Variants in MLIP observed in about 807,000 individuals in gnomAD.
MLIP encodes muscular LMNA interacting protein, also known as muscular LMNA-interacting protein.
A neutral mutation model predicts 84.8 loss-of-function variants in MLIP; 79 were observed. That is an observed-to-expected ratio of 0.93 (90% CI 0.78 to 1.12). The LOEUF (loss-of-function observed/expected upper bound fraction) is 1.12, where lower values mean the gene tolerates loss of function less well. Ranked by LOEUF, MLIP falls within the 50% of genes most tolerant of loss-of-function variation. The pLI, the probability that MLIP is intolerant of heterozygous loss-of-function variation, is 0.00. For synonymous variants in MLIP, 504 were observed against 463.0 expected, an observed-to-expected ratio of 1.09 and a Z score of -1.14; for missense variants, 1,257 against 1,160.6, an observed-to-expected ratio of 1.08 and a Z score of -1.21.
intron 10 of MLIP, among the ~76,000 whole-genome samples, chr6:54,198,001 A>T (rs1778417001): frequency 6.6e-6 from 1 of 152,104 alleles, no homozygotes; most frequent in South Asian, 2.1e-4. Context: ...AATAAAGCAT[A>T]GTCTGTTTTA....
At chr6:54,215,437 T>C in intron 11 of MLIP, 2 of 1,191,180 alleles carry the variant, frequency 1.7e-6, no homozygotes. Context: ...AAAAGTATAA[T>C]TTCTTTAAAT....
At position 54,187,413 on chromosome 6, in the gene MLIP, A is replaced by C. The variant is rs1415323583; in HGVS notation, c.2545-2457A>C. Among the ~76,000 whole-genome samples the C allele has an allele frequency of 3.3e-5, 5 of 152,262 alleles. 1 individual carries two copies. Among genetic ancestry groups the C allele is most frequent in the Admixed American group, 2.6e-4 (4 of 15,288 alleles). On this transcript the variant is annotated intron_variant, in intron 9 of 13. Transcript: ENST00000502396. The stretch of plus-strand genomic sequence containing the variant: ...ACATGGTATTTAACGAGGGGGGACT[A>C]TAACAAATCTGGAAAAATACCATAT...
chr6:54,034,222 A>AT (rs1388386565), intron 1 of MLIP, among the ~76,000 whole-genome samples: 5 of 152,206 alleles, frequency 3.3e-5, no homozygotes, highest in Non-Finnish European at 5.9e-5. Context: ...ATTCTTTCAG[A>AT]TTTCTATGTT....
Position 54,259,149 on chromosome 6 carries a change from T to C in MLIP, c.2976+1788T>C, listed in dbSNP as rs548908377. Among the ~76,000 whole-genome samples the C allele has an allele frequency of 2.0e-5, 3 of 152,012 alleles. No homozygotes were observed. The South Asian group carries it at 6.2e-4, about 31-fold the overall frequency. The stretch of plus-strand genomic sequence containing the variant: ...TTTTGTTTTTGCATTATCTTATGCA[T>C]TTATTGGTATGGTAATATATTTTTG... On this transcript the variant is annotated intron_variant, in intron 13 of 13. Coordinates refer to ENST00000502396, the MANE Select transcript of MLIP (RefSeq NM_001281747.2).
At chr6:54,164,712 A>G (rs1337753907) in intron 8 of MLIP, among the ~76,000 whole-genome samples, 2 of 151,940 alleles carry the variant, frequency 1.3e-5, no homozygotes, top group Non-Finnish European at 2.9e-5. Context: ...AAATGTAATT[A>G]TATAGTCTGT....
In MLIP at chr6:54,221,829, C is replaced by G. The variant is rs1037417330; in HGVS notation, c.2719-8885C>G. On this transcript the variant is annotated intron_variant, in intron 11 of 13. Transcript: ENST00000502396. ...TACTCTTTTTAATATCTGTGGAACT[C>G]TCATAAAAACTGACTATACATTAAG... Among the ~76,000 whole-genome samples, 19 of 152,012 alleles carry G rather than the reference C, an allele frequency of 1.2e-4. No homozygotes were observed. In the East Asian group the frequency reaches 3.5e-3, roughly 28 times the overall value.
At chr6:54,133,095 T>TA (rs1047879276) in intron 3 of MLIP, among the ~76,000 whole-genome samples, 1 of 151,940 alleles carries the variant, frequency 6.6e-6, no homozygotes, top group African/African-American at 2.4e-5. Flanking sequence ...TACTGAAACT[T>TA]AAAAAATAGG....
rs1485042402 is a variant in MLIP, at chr6:54,065,421, A to T, written c.63+46330A>T. Among the ~76,000 whole-genome samples the T allele has an allele frequency of 3.0e-5, 3 of 100,958 alleles. 1 individual carries two copies. Among genetic ancestry groups the T allele is most frequent in the Admixed American group, 2.8e-4 (3 of 10,862 alleles). 66.2% of individuals were successfully genotyped at this position (100,958 alleles called of 152,430 possible). A position where few individuals can be genotyped will look rare whatever the true frequency, so the allele number is the denominator to read the frequency against. ...TAGAGGCATATTCAAAGATATTACTAAATGTATAAAGGGATTTGCACCAAG... is the reference window on the plus strand; with the variant it reads ...TAGAGGCATATTCAAAGATATTACTTAATGTATAAAGGGATTTGCACCAAG... On this transcript the variant is annotated intron_variant, in intron 1 of 12. Transcript: ENST00000274897.
At chr6:54,243,727 G>A (rs1781892393) in intron 12 of MLIP, among the ~76,000 whole-genome samples, 1 of 151,998 alleles carries the variant, frequency 6.6e-6, no homozygotes, top group South Asian at 2.1e-4. Flanking sequence ...CAATAAAGTG[G>A]CATTACCACT....
Position 54,032,993 on chromosome 6 carries a change from T to C in MLIP, c.63+13902T>C, listed in dbSNP as rs536425425. On this transcript the variant is annotated intron_variant, in intron 1 of 12. Coordinates refer to the MLIP transcript ENST00000274897. ...CTTACCATTAATAATAGGACAACTATTGATGTTTTGATCCAGTAGTCTAAA... is the reference window on the plus strand; with the variant it reads ...CTTACCATTAATAATAGGACAACTACTGATGTTTTGATCCAGTAGTCTAAA... 3.9e-5 allele frequency among the ~76,000 whole-genome samples: 6 copies of C among 152,352 alleles called. No individual in the cohort carries two copies. In the East Asian group the frequency reaches 1.2e-3, roughly 29 times the overall value.
rs144947192 is a variant in MLIP, at chr6:54,179,695, C to G, written c.2544+10123C>G. 8.3e-3 allele frequency among the ~76,000 whole-genome samples: 1,263 copies of G among 152,010 alleles called. 19 individuals carry two copies. The highest frequency in any genetic ancestry group is 0.028 in the African/African-American group (1,178 of 41,498). ...ATGCAAAACGAAAACTAATAAAAACCCTACACTTTAACTTCATGTCCCTGC... is the reference window on the plus strand; with the variant it reads ...ATGCAAAACGAAAACTAATAAAAACGCTACACTTTAACTTCATGTCCCTGC... On this transcript the variant is annotated intron_variant, in intron 9 of 13. Transcript: ENST00000502396.
chr6:54,019,117 A>G, intron 1 of MLIP: 3 of 1,609,264 alleles, frequency 1.9e-6, no homozygotes, highest in Non-Finnish European at 2.5e-6. Context: ...TAGCACACAC[A>G]GATTTATAAT....
chr6:54,033,319 T>G (rs1581995244), intron 1 of MLIP, among the ~76,000 whole-genome samples: 2 of 150,410 alleles, frequency 1.3e-5, no homozygotes, highest in South Asian at 4.2e-4. Context: ...CAGGTTGGAG[T>G]GCAATGGCGC....
intron 1 of MLIP, among the ~76,000 whole-genome samples, chr6:54,083,012 GA>G (rs1767262758): frequency 6.6e-6 from 1 of 152,036 alleles, no homozygotes; most frequent in Admixed American, 6.6e-5. Context: ...TTATAAGTGA[GA>G]ACAGAAATAG....
At chr6:54,162,091 A>G (rs1011070905) in intron 8 of MLIP, among the ~76,000 whole-genome samples, 6 of 151,962 alleles carry the variant, frequency 3.9e-5, no homozygotes, top group Admixed American at 3.9e-4. Flanking sequence ...TTTTCATTCA[A>G]CAGGTATTTA....
At chr6:54,109,321 T>C (rs1468926216), upstream of MLIP, among the ~76,000 whole-genome samples, 6 of 152,124 alleles carry the variant, frequency 3.9e-5, no homozygotes. Flanking sequence ...AGAATCTGCC[T>C]GGCACAGAGC....
At chr6:54,167,950 C>T (rs139559672) in intron 8 of MLIP, among the ~76,000 whole-genome samples, 147 of 151,876 alleles carry the variant, frequency 9.7e-4, no homozygotes, top group Middle Eastern at 3.4e-3. Flanking sequence ...TCAAGCAACT[C>T]ATCATTATTT....
At chr6:54,219,199 C>T (rs1371343338) in intron 11 of MLIP, among the ~76,000 whole-genome samples, 6 of 149,170 alleles carry the variant, frequency 4.0e-5, no homozygotes, top group African/African-American at 9.9e-5. Context: ...AGCGAGACTC[C>T]GTCTCAAAAA....
rs754155738 is a variant in MLIP, at chr6:54,169,524, A to G, written c.2500-4A>G. The G allele has an allele frequency of 1.3e-6, 2 of 1,576,620 alleles. No homozygotes were observed. The highest frequency in any genetic ancestry group is 4.6e-5 in the East Asian group (2 of 43,848). Reference sequence around the variant, plus strand: ...GATGTATAATTGTTTTTATTTTCATACAGACTCCTACAACTCTTCCAAGAG... The same window carrying G: ...GATGTATAATTGTTTTTATTTTCATGCAGACTCCTACAACTCTTCCAAGAG... On this transcript the variant is annotated splice_region_variant and splice_polypyrimidine_tract_variant and intron_variant, in intron 8 of 13. Transcript: ENST00000502396.
Sources: gnomAD v4.1 joint callset for allele counts (sites outside exome capture counted in the v4.1 genomes callset) on GRCh38, gnomAD v4.1.1 for gene constraint, MANE v1.5 for transcripts, NCBI Gene and HGNC (gene_info 2026-07-23, HGNC 2026-07-21) for gene names.